Variants in LCOR observed in about 807,000 individuals in gnomAD.
The protein encoded by LCOR is ligand-dependent corepressor.
Under a neutral mutation model 64.4 loss-of-function variants are expected in LCOR, and 14 were observed. That is an observed-to-expected ratio of 0.22 (90% CI 0.14 to 0.34). The LOEUF is 0.34. Ranked by LOEUF, LCOR falls within the 10% of genes least tolerant of loss-of-function variation. LCOR has a pLI of 1.00. For missense variants in LCOR, 1,686 were observed against 1,765.3 expected (o/e 0.96, Z 0.80); for synonymous variants, 643 against 642.5 (o/e 1.00, Z -0.01).
intron 5 of LCOR, among the ~76,000 whole-genome samples, chr10:96,948,646 T>C (rs1487947730): frequency 6.6e-5 from 10 of 152,230 alleles, no homozygotes; most frequent in Non-Finnish European, 1.2e-4. Context: ...GGAAAAAGTC[T>C]AGGGTTACTT....
chr10:96,839,361 A>AC (rs1218755245), intron 2 of LCOR, among the ~76,000 whole-genome samples: 2 of 152,244 alleles, frequency 1.3e-5, no homozygotes, highest in African/African-American at 4.8e-5. Flanking sequence ...GCTAAACTGC[A>AC]GGATACCTTA....
chr10:96,853,584 G>A (rs1052747473), intron 2 of LCOR, among the ~76,000 whole-genome samples: 4 of 152,144 alleles, frequency 2.6e-5, no homozygotes, highest in Non-Finnish European at 4.4e-5. Flanking sequence ...CAGCTCTGCT[G>A]ATTTTGGCTG....
chr10:96,944,883 G>A (rs1436348927), intron 5 of LCOR, among the ~76,000 whole-genome samples: 2 of 152,020 alleles, frequency 1.3e-5, no homozygotes, highest in Non-Finnish European at 2.9e-5. Flanking sequence ...CTTCAGTCAT[G>A]GAGTCTTGAG....
intron 2 of LCOR, among the ~76,000 whole-genome samples, chr10:96,874,028 T>C (rs1404084938): frequency 3.3e-5 from 5 of 152,128 alleles, no homozygotes; most frequent in African/African-American, 1.2e-4. Context: ...CCAGAAAGAA[T>C]TTTCTTGAAA....
Position 96,982,904 on chromosome 10 carries a change from G to C in LCOR, c.2444G>C (p.Arg815Thr), listed in dbSNP as rs773882427. 1 of 1,613,858 alleles carries C rather than the reference G, an allele frequency of 6.2e-7. No individual in the cohort carries two copies. Among genetic ancestry groups the C allele is most frequent in the Non-Finnish European group, 8.5e-7 (1 of 1,180,010 alleles). Reference protein sequence around the residue: ...KGKKFPEASDRCLRSQLSDSS... With the variant: ...KGKKFPEASDTCLRSQLSDSS... ...AAAAAATTCCCTGAGGCCTCTGATA[G>C]GTGCCTAAGAAGTCAACTTTCGGAT... The change falls in exon 8 of 8, where the codon AGG becomes ACG. Residue 815 changes from arginine (R) to threonine (T), a missense_variant. Around this residue, in one of 3 missense-constraint regions of LCOR, gnomAD observed 1,293 missense variants for 1,410.4 expected, o/e 0.92. Transcript: ENST00000421806.
At chr10:96,930,300 C>CT (rs565062668) in intron 4 of LCOR, among the ~76,000 whole-genome samples, 59 of 151,538 alleles carry the variant, frequency 3.9e-4, no homozygotes, top group African/African-American at 1.4e-3. Flanking sequence ...ATGTAGAAAT[C>CT]TAGTAGTATG....
chr10:96,912,607 T>TTTCTTCCTTC (rs1554836477), intron 4 of LCOR, among the ~76,000 whole-genome samples: 1 of 140,294 alleles, frequency 7.1e-6, no homozygotes, highest in African/African-American at 2.9e-5. Context: ...TTTCTTCCTT[T>TTTCTTCCTTC]CTTCCTTCCT....
intron 2 of LCOR, among the ~76,000 whole-genome samples, chr10:96,858,042 GAA>G (rs1367063565): frequency 2.0e-5 from 3 of 152,182 alleles, no homozygotes; most frequent in Non-Finnish European, 2.9e-5. Context: ...ACTAAGATGA[GAA>G]AGAGGGAGTG....
chr10:96,833,254 C>T, intron 1 of LCOR, 152 bp from the exon 2 acceptor site: 2 of 960,442 alleles, frequency 2.1e-6, no homozygotes, highest in Non-Finnish European at 2.5e-6. Flanking sequence ...CCGAATGCCC[C>T]GTCCGCCCCC....
chr10:96,938,554 G>A (rs996260463), intron 4 of LCOR, among the ~76,000 whole-genome samples: 3 of 151,778 alleles, frequency 2.0e-5, no homozygotes, highest in African/African-American at 7.3e-5. Context: ...ACAATAAAAA[G>A]AAACCAAAGT....
At chr10:96,847,167 C>G (rs1053012471) in intron 2 of LCOR, among the ~76,000 whole-genome samples, 4 of 151,970 alleles carry the variant, frequency 2.6e-5, no homozygotes, top group East Asian at 1.9e-4. Context: ...TTGCTGGAGC[C>G]TGGGAGGTCA....
intron 7 of LCOR, chr10:96,957,021 T>G: frequency 1.0e-6 from 1 of 985,324 alleles, no homozygotes; most frequent in Non-Finnish European, 1.2e-6. Context: ...GATCCATGTT[T>G]GTAGTGAGAG....
At chr10:96,961,030 A>G (rs1847871165) in intron 7 of LCOR, 1 of 152,146 alleles carries the variant, frequency 6.6e-6, no homozygotes, top group Non-Finnish European at 1.5e-5. Flanking sequence ...AAGTGTTAGG[A>G]AGGAGATTGG....
intron 7 of LCOR, among the ~76,000 whole-genome samples, chr10:96,978,769 A>G (rs1589691514): frequency 6.6e-6 from 1 of 152,370 alleles, no homozygotes; most frequent in Non-Finnish European, 1.5e-5. Flanking sequence ...GTATTTAGAC[A>G]TGTTCAGCAA....
intron 4 of LCOR, among the ~76,000 whole-genome samples, chr10:96,933,273 C>CT (rs993653043): frequency 2.6e-5 from 4 of 151,976 alleles, no homozygotes; most frequent in African/African-American, 7.3e-5. Flanking sequence ...TACAAGGTAG[C>CT]TTTTTTCAGG....
intron 2 of LCOR, among the ~76,000 whole-genome samples, chr10:96,837,180 C>T (rs1004350690): frequency 3.9e-5 from 6 of 151,964 alleles, no homozygotes; most frequent in South Asian, 2.1e-4. Flanking sequence ...TTAGTAGAGA[C>T]GGGGTTTCAC....
At chr10:96,857,277 A>G (rs1294862959) in intron 2 of LCOR, among the ~76,000 whole-genome samples, 1 of 152,196 alleles carries the variant, frequency 6.6e-6, no homozygotes, top group Non-Finnish European at 1.5e-5. Flanking sequence ...AATAAAAAGA[A>G]CAGACATCCA....
At chr10:96,915,853 T>C in intron 4 of LCOR, 1 of 496,842 alleles carries the variant, frequency 2.0e-6, no homozygotes. Context: ...GTTAGTCCTT[T>C]AACTTGGCAT....
Position 96,984,717 on chromosome 10 carries a change from C to T in LCOR, c.4257C>T (p.Ala1419=), listed in dbSNP as rs1329988750. ...DSKNKGPTVK[A]SKEKHADGAT... ...AGAACAAGGGGCCTACGGTGAAAGC[C>T]AGCAAAGAAAAGCATGCTGATGGAG... The change falls in exon 8 of 8, where the codon GCC becomes GCT. Residue 1419 remains alanine (A), a synonymous_variant. Coordinates refer to ENST00000421806, the MANE Select transcript of LCOR (RefSeq NM_001346516.2). 1 of 1,613,780 alleles carries T rather than the reference C, an allele frequency of 6.2e-7. No individual in the cohort carries two copies. Among genetic ancestry groups the T allele is most frequent in the Non-Finnish European group, 8.5e-7 (1 of 1,180,014 alleles).
Sources: gnomAD v4.1 joint callset for allele counts (sites outside exome capture counted in the v4.1 genomes callset) on GRCh38, gnomAD v4.1.1 for gene constraint, gnomAD v4.1.1 regional missense constraint, MANE v1.5 for transcripts, NCBI Gene and HGNC (gene_info 2026-07-23, HGNC 2026-07-21) for gene names.